The following DIS3L2 variants were observed in gnomAD, a reference collection of about 807,000 sequenced individuals.
DIS3L2 encodes DIS3 like 3'-5' exoribonuclease 2, also known as DIS3-like exonuclease 2.
In DIS3L2, 34 loss-of-function variants were observed where a neutral mutation model predicts 97.5. The ratio of observed to expected loss-of-function variants is 0.35; its 90% CI spans 0.27 to 0.46. DIS3L2 has a LOEUF of 0.46. Among genes scored for constraint, DIS3L2 ranks in the 20% least tolerant of loss-of-function variants. The pLI is 1.00. For missense variants in DIS3L2, 1,038 were observed against 1,146.0 expected (o/e 0.91, Z 1.36); for synonymous variants, 435 against 445.2 (o/e 0.98, Z 0.29).
chr2:232,160,296 T>C (rs1299452673), intron 8 of DIS3L2, among the ~76,000 whole-genome samples: 1 of 152,230 alleles, frequency 6.6e-6, no homozygotes, highest in African/African-American at 2.4e-5. Context: ...CTTTAATAGA[T>C]ACATTAGATA....
chr2:232,000,725 CTTTTTTT>C (rs35247478), intron 1 of DIS3L2, among the ~76,000 whole-genome samples: 6 of 91,142 alleles, frequency 6.6e-5, no homozygotes, highest in Non-Finnish European at 1.2e-4. Context: ...TCTTCTTCTT[CTTTTTTT>C]TTTTTTTTTT....
chr2:232,079,540 C>T (rs982547366), intron 5 of DIS3L2, among the ~76,000 whole-genome samples: 5 of 132,854 alleles, frequency 3.8e-5, no homozygotes, highest in Non-Finnish European at 6.1e-5. Context: ...GCGGAGCTTG[C>T]AGTGAGCCGA....
chr2:232,344,248 G>A (rs564476228), exon 14 of DIS3L2: 1 of 152,346 alleles, frequency 6.6e-6, no homozygotes, highest in Non-Finnish European at 1.5e-5. Flanking sequence ...ATAAAAGTAT[G>A]TTATGTATAA....
chr2:231,975,892 A>G (rs1465381310), intron 1 of DIS3L2, among the ~76,000 whole-genome samples: 1 of 151,804 alleles, frequency 6.6e-6, no homozygotes, highest in African/African-American at 2.4e-5. Flanking sequence ...CCTGTTCTTT[A>G]TTCTCACTTA....
At chr2:231,992,255 G>A (rs944401953) in intron 1 of DIS3L2, among the ~76,000 whole-genome samples, 4 of 152,112 alleles carry the variant, frequency 2.6e-5, no homozygotes, top group South Asian at 2.1e-4. Context: ...TTCTTTAATG[G>A]GTAAAATTTT....
Position 232,054,315 on chromosome 2 carries a change from T to C in DIS3L2, c.366+24235T>C, listed in dbSNP as rs1428420504. ...GTCCTCATGGAACATACAGAAAGTT[T>C]ATATTGTCTGTTAGGCCAAAATGGA... On this transcript the variant is annotated intron_variant, in intron 5 of 20. Coordinates refer to ENST00000325385, the MANE Select transcript of DIS3L2 (RefSeq NM_152383.5). Among the ~76,000 whole-genome samples, 3 of 152,340 alleles carry C rather than the reference T, an allele frequency of 2.0e-5. No individual in the cohort carries two copies. In the East Asian group the frequency reaches 5.8e-4, roughly 29 times the overall value.
chr2:232,140,195 C>G (rs1214162420), intron 8 of DIS3L2, among the ~76,000 whole-genome samples: 1 of 152,162 alleles, frequency 6.6e-6, no homozygotes, highest in Non-Finnish European at 1.5e-5. Context: ...AAATACTCAA[C>G]TTTTAAACTC....
intron 8 of DIS3L2, among the ~76,000 whole-genome samples, chr2:232,146,207 G>A (rs1313350402): frequency 6.6e-6 from 1 of 152,178 alleles, no homozygotes; most frequent in Non-Finnish European, 1.5e-5. Context: ...GAACCCAGCA[G>A]TTCCATGTCA....
intron 1 of DIS3L2, among the ~76,000 whole-genome samples, chr2:231,993,150 T>C (rs1305169039): frequency 6.6e-6 from 1 of 152,218 alleles, no homozygotes; most frequent in Non-Finnish European, 1.5e-5. Context: ...TGATGATCTC[T>C]ACCCCTCTAT....
chr2:232,083,920 TA>T (rs1295543181), intron 5 of DIS3L2, among the ~76,000 whole-genome samples: 2 of 152,184 alleles, frequency 1.3e-5, no homozygotes, highest in Non-Finnish European at 2.9e-5. Flanking sequence ...GAAAAACCAT[TA>T]AACCCGAGAT....
Position 232,147,997 on chromosome 2 carries a change from TTCTCC to T in DIS3L2, c.950+11303_950+11307del, listed in dbSNP as rs56996184. Among the ~76,000 whole-genome samples, 243 of 97,548 alleles carry T rather than the reference TTCTCC, an allele frequency of 2.5e-3. 1 individual carries two copies. The highest frequency in any genetic ancestry group is 5.8e-3 in the East Asian group (16 of 2,738). 64.0% of individuals were successfully genotyped at this position (97,548 alleles called of 152,430 possible). On this transcript the variant is annotated intron_variant, in intron 8 of 20. Transcript: ENST00000325385. Reference sequence around the variant, plus strand: ...CTCCCCTCCCCTCCGCTCCCCTCTTTTCTCCTCTCCTCTCCTCTCCTCTCCTCTCT... The same window carrying T: ...CTCCCCTCCCCTCCGCTCCCCTCTTTTCTCCTCTCCTCTCCTCTCCTCTCT...
chr2:232,024,194 A>G, intron 3 of DIS3L2, 83 bp from the exon 4 acceptor site: 1 of 1,041,608 alleles, frequency 9.6e-7, no homozygotes, highest in South Asian at 1.5e-5. Context: ...TTAATTTTAA[A>G]ACTTTTTATT....
At chr2:232,188,335 A>T (rs1238840223) in intron 9 of DIS3L2, among the ~76,000 whole-genome samples, 1 of 152,186 alleles carries the variant, frequency 6.6e-6, no homozygotes, top group Non-Finnish European at 1.5e-5. Flanking sequence ...TATTCTAAAA[A>T]CTTGTGAATT....
At chr2:232,166,823 C>A (rs1690838281) in intron 9 of DIS3L2, among the ~76,000 whole-genome samples, 1 of 151,972 alleles carries the variant, frequency 6.6e-6, no homozygotes, top group African/African-American at 2.4e-5. Flanking sequence ...GAGTTGGAGA[C>A]CAGCGTGGCC....
In DIS3L2 at chr2:232,129,805, A is replaced by G. The variant is rs553773064; in HGVS notation, c.602-814A>G. The stretch of plus-strand genomic sequence containing the variant: ...GCTCTCTGGAGAGGCTCCCACGTAA[A>G]TTGGTTGTGACCCCTAGAATCCAGA... On this transcript the variant is annotated intron_variant, in intron 6 of 20. Coordinates refer to ENST00000325385, the MANE Select transcript of DIS3L2 (RefSeq NM_152383.5). Among the ~76,000 whole-genome samples, 3 of 152,348 alleles carry G rather than the reference A, an allele frequency of 2.0e-5. No individual in the cohort carries two copies. The South Asian group carries it at 6.2e-4, about 32-fold the overall frequency.
intron 13 of DIS3L2, among the ~76,000 whole-genome samples, chr2:232,270,905 TC>T (rs1349884811): frequency 3.9e-4 from 54 of 139,614 alleles, no homozygotes; most frequent in African/African-American, 1.6e-3. Flanking sequence ...TCTCTCTCTC[TC>T]TCTCTCTCTG....
chr2:232,254,839 G>A (rs931085149), intron 12 of DIS3L2, among the ~76,000 whole-genome samples: 1 of 152,206 alleles, frequency 6.6e-6, no homozygotes, highest in Non-Finnish European at 1.5e-5. Context: ...GGGGCTGTGG[G>A]CCTCAGTGCA....
chr2:232,265,395 T>C (rs1693828597), intron 13 of DIS3L2, among the ~76,000 whole-genome samples: 1 of 152,140 alleles, frequency 6.6e-6, no homozygotes, highest in South Asian at 2.1e-4. Context: ...AAAATCTGTC[T>C]CTCTATCCCT....
chr2:232,134,693 C>T (rs551710839), intron 7 of DIS3L2, among the ~76,000 whole-genome samples: 1 of 152,074 alleles, frequency 6.6e-6, no homozygotes, highest in African/African-American at 2.4e-5. Context: ...GGCGTGGTGA[C>T]TGGTGACACA....
Sources: allele counts gnomAD v4.1 joint callset (sites outside exome capture counted in the v4.1 genomes callset), GRCh38; gene constraint gnomAD v4.1.1; transcripts MANE v1.5; gene names NCBI Gene and HGNC (gene_info 2026-07-23, HGNC 2026-07-21).